XPR1: variants seen among roughly 807,000 people sequenced by gnomAD.
XPR1 encodes solute carrier family 53 member 1.
XPR1 carries 28 observed loss-of-function variants against 87.5 expected under a neutral mutation model. The ratio of observed to expected loss-of-function variants is 0.32; its 90% confidence interval spans 0.24 to 0.44. The LOEUF is 0.44. Among genes scored for constraint, XPR1 ranks in the 20% least tolerant of loss-of-function variants. The probability of loss-of-function intolerance (pLI) is 1.00; values close to 1 mark genes in which losing one functional copy is unlikely to be tolerated. For missense variants in XPR1, 559 were observed against 862.3 expected (o/e 0.65, Z 4.41); for synonymous variants, 300 against 306.1 (o/e 0.98, Z 0.21).
At chr1:180,731,345 A>T (rs1658550959) in intron 2 of XPR1, among the ~76,000 whole-genome samples, 1 of 152,198 alleles carries the variant, frequency 6.6e-6, no homozygotes. Context: ...GGCCGAGGGG[A>T]TGGAAGCTCA....
intron 2 of XPR1, among the ~76,000 whole-genome samples, chr1:180,760,935 A>T: frequency 6.6e-6 from 1 of 152,160 alleles, no homozygotes; most frequent in African/African-American, 2.4e-5. Context: ...TCAATGGAAC[A>T]GAACAGAGCC....
chr1:180,646,855 C>A (rs1655135959), intron 1 of XPR1, among the ~76,000 whole-genome samples: 1 of 152,196 alleles, frequency 6.6e-6, no homozygotes, highest in African/African-American at 2.4e-5. Context: ...CCACCAGATG[C>A]AGCTGTACAA....
chr1:180,827,680 C>T (rs6658939), intron 9 of XPR1, among the ~76,000 whole-genome samples: 76 of 152,050 alleles, frequency 5.0e-4, no homozygotes, highest in African/African-American at 1.7e-3. Flanking sequence ...ATAAACAGAA[C>T]AGTGTTATCA....
At chr1:180,779,237 T>C (rs1648844314) in intron 2 of XPR1, among the ~76,000 whole-genome samples, 1 of 152,192 alleles carries the variant, frequency 6.6e-6, no homozygotes, top group African/African-American at 2.4e-5. Context: ...ATTTGTTGTC[T>C]TCATTCACTT....
At chr1:180,739,387 T>C (rs1658846604) in intron 2 of XPR1, among the ~76,000 whole-genome samples, 2 of 152,252 alleles carry the variant, frequency 1.3e-5, no homozygotes, top group South Asian at 4.1e-4. Flanking sequence ...TGCCTTTTTA[T>C]CCAGTTATTC....
chr1:180,727,315 A>G lies in XPR1; in HGVS notation c.121+44904A>G, dbSNP rs560205857. 6.6e-5 allele frequency among the ~76,000 whole-genome samples: 10 copies of G among 152,282 alleles called. No individual in the cohort carries two copies. In the South Asian group the frequency reaches 2.1e-3, roughly 32 times the overall value. On this transcript the variant is annotated intron_variant, in intron 2 of 14. Transcript: ENST00000367590. ...AGAAGGTTCTTGGATCTTGCGCAAG[A>G]AAGAATGTGAGGCAAGTCCATAGAG...
intron 2 of XPR1, among the ~76,000 whole-genome samples, chr1:180,725,574 T>C (rs1045341226): frequency 6.6e-6 from 1 of 152,238 alleles, no homozygotes; most frequent in Non-Finnish European, 1.5e-5. Context: ...AATTATAAGC[T>C]AATTAAAGAG....
At chr1:180,812,669 C>G (rs990786990) in intron 7 of XPR1, among the ~76,000 whole-genome samples, 3 of 138,338 alleles carry the variant, frequency 2.2e-5, no homozygotes, top group African/African-American at 8.6e-5. Flanking sequence ...TTTTTTTTGA[C>G]ACGGGGTCTC....
chr1:180,877,034 A>G (rs1652686753), intron 13 of XPR1, among the ~76,000 whole-genome samples: 1 of 152,268 alleles, frequency 6.6e-6, no homozygotes, highest in Admixed American at 6.5e-5. Context: ...CATAATATAA[A>G]TCAGTCATTT....
chr1:180,714,636 C>T (rs909245827), intron 2 of XPR1, among the ~76,000 whole-genome samples: 8 of 152,110 alleles, frequency 5.3e-5, no homozygotes, highest in Admixed American at 1.3e-4. Context: ...AACTCCTGGG[C>T]TCAAGGGGTC....
At chr1:180,883,655 G>A (rs181552497) in intron 14 of XPR1, among the ~76,000 whole-genome samples, 2 of 149,880 alleles carry the variant, frequency 1.3e-5, no homozygotes, top group East Asian at 3.9e-4. Context: ...GTTGCAGTGA[G>A]CTGAGATTAT....
At chr1:180,643,328 T>G (rs554956880) in intron 1 of XPR1, among the ~76,000 whole-genome samples, 2 of 152,344 alleles carry the variant, frequency 1.3e-5, no homozygotes, top group East Asian at 3.9e-4. Flanking sequence ...GTATGTCTTA[T>G]AATTAATGCT....
At chr1:180,773,656 GA>G (rs1337525215) in intron 2 of XPR1, among the ~76,000 whole-genome samples, 2 of 152,264 alleles carry the variant, frequency 1.3e-5, no homozygotes, top group East Asian at 3.9e-4. Context: ...TCATTCTTAT[GA>G]GTCAGTGAAT....
At chr1:180,767,478 A>AT (rs1571817454) in intron 2 of XPR1, among the ~76,000 whole-genome samples, 1 of 152,168 alleles carries the variant, frequency 6.6e-6, no homozygotes, top group Admixed American at 6.6e-5. Flanking sequence ...TCCTTAGTGC[A>AT]TTCTCTTTTC....
chr1:180,662,303 T>A (rs2101920280), intron 1 of XPR1, among the ~76,000 whole-genome samples: 1 of 152,318 alleles, frequency 6.6e-6, no homozygotes, highest in East Asian at 1.9e-4. Flanking sequence ...ATCTTTTATT[T>A]TTATTTTGTT....
At chr1:180,777,829 T>C (rs1648782633) in intron 2 of XPR1, among the ~76,000 whole-genome samples, 1 of 152,212 alleles carries the variant, frequency 6.6e-6, no homozygotes, top group African/African-American at 2.4e-5. Flanking sequence ...TTAATTTTTA[T>C]TTATCTGCTC....
intron 2 of XPR1, among the ~76,000 whole-genome samples, chr1:180,744,646 ATTTC>A (rs1178416736): frequency 4.1e-5 from 2 of 48,198 alleles, no homozygotes; most frequent in African/African-American, 1.8e-4. Context: ...TTTAGGCACA[ATTTC>A]TTTCTTTTTT....
intron 13 of XPR1, among the ~76,000 whole-genome samples, chr1:180,876,598 T>G (rs1292441427): frequency 6.6e-6 from 1 of 150,958 alleles, no homozygotes; most frequent in East Asian, 1.9e-4. Context: ...ATTGCACCAC[T>G]GTACTGCAGC....
At chr1:180,705,899 A>G (rs12401914) in intron 2 of XPR1, among the ~76,000 whole-genome samples, 34,909 of 152,144 alleles carry the variant, frequency 0.23, 4,108 homozygotes, top group Middle Eastern at 0.29. Context: ...AAGTAGTAGT[A>G]AGAGAATGAC....
Sources: gnomAD v4.1 joint callset for allele counts (sites outside exome capture counted in the v4.1 genomes callset) on GRCh38, gnomAD v4.1.1 for gene constraint, MANE v1.5 for transcripts, NCBI Gene and HGNC (gene_info 2026-07-23, HGNC 2026-07-21) for gene names.